Variants in UCP1 observed in about 807,000 individuals in gnomAD.
UCP1 encodes uncoupling protein 1.
UCP1 carries 24 observed loss-of-function variants against 26.2 expected under a neutral mutation model. That is an observed-to-expected ratio of 0.92 (90% CI 0.66 to 1.29). The LOEUF is 1.29. Ranked by LOEUF, UCP1 falls within the 50% of genes most tolerant of loss-of-function variation. The pLI is 0.00. For synonymous variants in UCP1, 164 were observed against 156.8 expected, an observed-to-expected ratio of 1.05 and a Z score of -0.34; for missense variants, 402 against 388.7, an observed-to-expected ratio of 1.03 and a Z score of -0.29.
chr4:140,559,648 T>A lies in UCP1; in HGVS notation c.*248A>T. On this transcript the variant is annotated 3_prime_UTR_variant, in exon 6 of 6. Coordinates refer to ENST00000262999, the MANE Select transcript of UCP1 (RefSeq NM_021833.5). ...TCCAGAAATGGTCAAATGCAGTAGC[T>A]TATCTGCATTACATTTGCCAGGGTA... 1 of 501,344 alleles carries A rather than the reference T, an allele frequency of 2.0e-6. No individual in the cohort carries two copies. Among genetic ancestry groups the A allele is most frequent in the South Asian group, 2.4e-5 (1 of 42,270 alleles). 31.1% of individuals were successfully genotyped at this position (501,344 alleles called of 1,614,324 possible).
chr4:140,564,984 T>C (rs920325399), intron 2 of UCP1, among the ~76,000 whole-genome samples: 19 of 152,346 alleles, frequency 1.2e-4, no homozygotes, highest in Middle Eastern at 3.4e-3. Context: ...ATGTTTTTGC[T>C]AGAAAATCAG....
At chr4:140,565,976 G>C (rs914811764) in intron 2 of UCP1, among the ~76,000 whole-genome samples, 1 of 152,052 alleles carries the variant, frequency 6.6e-6, no homozygotes, top group Non-Finnish European at 1.5e-5. Context: ...TCTATTTTTA[G>C]GTACACAAAC....
intron 2 of UCP1, among the ~76,000 whole-genome samples, chr4:140,564,160 C>T (rs1254604419): frequency 6.6e-6 from 1 of 152,114 alleles, no homozygotes; most frequent in Non-Finnish European, 1.5e-5. Context: ...GAGGAGGCAC[C>T]CATCACCAAT....
Position 140,559,747 on chromosome 4 carries a change from T to G in UCP1, c.*149A>C. 3 of 729,062 alleles carry G rather than the reference T, an allele frequency of 4.1e-6. No homozygotes were observed. Among genetic ancestry groups the G allele is most frequent in the Non-Finnish European group, 6.8e-6 (3 of 442,230 alleles). 45.2% of individuals were successfully genotyped at this position (729,062 alleles called of 1,614,324 possible). A position where few individuals can be genotyped will look rare whatever the true frequency, so the allele number is the denominator to read the frequency against. ...AAAGTTATATGAAATAGGCATTAAT[T>G]TTCCTCTTTTTTATATAAAAAAGTC... On this transcript the variant is annotated 3_prime_UTR_variant, in exon 6 of 6. Coordinates refer to ENST00000262999, the MANE Select transcript of UCP1 (RefSeq NM_021833.5).
intron 2 of UCP1, among the ~76,000 whole-genome samples, chr4:140,566,699 A>T (rs1331049581): frequency 6.6e-6 from 1 of 152,200 alleles, no homozygotes; most frequent in Non-Finnish European, 1.5e-5. Context: ...CACTTAATGT[A>T]TTCATTGTGC....
At chr4:140,564,020 A>T (rs1167992119) in intron 2 of UCP1, among the ~76,000 whole-genome samples, 1 of 152,172 alleles carries the variant, frequency 6.6e-6, no homozygotes, top group Non-Finnish European at 1.5e-5. Context: ...GGTGTCTGAA[A>T]TTTTTTAAAA....
At position 140,567,810 on chromosome 4, in the gene UCP1, C is replaced by T. The variant is rs774928918; in HGVS notation, c.294G>A (p.Thr98=). The change falls in exon 2 of 6, where the codon ACG becomes ACA. Residue 98 remains threonine (T), a synonymous_variant. Coordinates refer to ENST00000262999, the MANE Select transcript of UCP1 (RefSeq NM_021833.5). ...SASLRIGLYD[T]VQEFLTAGKE... ...TCCCTGCGGTGAGGAACTCCTGGAC[C>T]GTGTCGTAGAGGCCGATCCTGAGAG... 5 of 1,614,022 alleles carry T rather than the reference C, an allele frequency of 3.1e-6. No homozygotes were observed. Among genetic ancestry groups the T allele is most frequent in the Admixed American group, 1.7e-5 (1 of 60,008 alleles).
chr4:140,568,372 G>A (rs1735852007), intron 1 of UCP1, among the ~76,000 whole-genome samples: 1 of 152,140 alleles, frequency 6.6e-6, no homozygotes, highest in South Asian at 2.1e-4. Flanking sequence ...GAATTTGGTA[G>A]TAGTCATGGT....
At position 140,568,856 on chromosome 4, in the gene UCP1, C is replaced by G. The variant is rs567687146; in HGVS notation, c.-127G>C. On this transcript the variant is annotated 5_prime_UTR_variant, in exon 1 of 6. Transcript: ENST00000262999. ...CCCGATTTCTGTTTTTTGAACCGAC[C>G]GCCGGGCAGCGGCGGTGCAGAGGCG... is the stretch of plus-strand genomic sequence containing the variant. 34 of 1,447,336 alleles carry G rather than the reference C, an allele frequency of 2.3e-5. No individual in the cohort carries two copies. In the East Asian group the frequency reaches 7.5e-4, roughly 32 times the overall value. The allele number at this position is 1,447,336 out of a possible 1,614,324, so 89.7% of individuals were successfully genotyped here.
chr4:140,568,045 C>G (rs1293911582), intron 1 of UCP1, 68 bp from the exon 2 acceptor site: 4 of 1,542,478 alleles, frequency 2.6e-6, no homozygotes, highest in Admixed American at 3.3e-5. Flanking sequence ...AAGATTTCCC[C>G]CTGTGTTCCT....
chr4:140,562,312 G>A lies in UCP1; in HGVS notation c.690C>T (p.Ser230=). Residue 230 remains serine (S), a synonymous_variant, in exon 5 of 6, where the codon TCC becomes TCT. Transcript: ENST00000262999. ...LIAGFCATAM[S]SPVDVVKTRF... ...TGGTTTTTACTACATCCACCGGGGAGGACATAGCTGTTGCGCAAAATCCAG... is the reference window on the plus strand; with the variant it reads ...TGGTTTTTACTACATCCACCGGGGAAGACATAGCTGTTGCGCAAAATCCAG... The A allele has an allele frequency of 6.2e-7, 1 of 1,614,086 alleles. No individual in the cohort carries two copies. The highest frequency in any genetic ancestry group is 8.5e-7 in the Non-Finnish European group (1 of 1,180,014).
chr4:140,568,908 G>C lies in UCP1; in HGVS notation c.-179C>G, dbSNP rs538988347. Reference sequence around the variant, plus strand: ...CGGCTGCAGACGGAGCGCGGTGTTGGGGGCCGAGTCCCCGCGTCCCCTCCT... The same window carrying C: ...CGGCTGCAGACGGAGCGCGGTGTTGCGGGCCGAGTCCCCGCGTCCCCTCCT... On this transcript the variant is annotated 5_prime_UTR_variant, in exon 1 of 6. Transcript: ENST00000262999. 1 of 909,670 alleles carries C rather than the reference G, an allele frequency of 1.1e-6. No individual in the cohort carries two copies. Among genetic ancestry groups the C allele is most frequent in the East Asian group, 2.7e-5 (1 of 37,490 alleles). 56.3% of individuals were successfully genotyped at this position (909,670 alleles called of 1,614,324 possible). A position where few individuals can be genotyped will look rare whatever the true frequency, so the allele number is the denominator to read the frequency against.
chr4:140,567,632 T>G (rs2110916762), intron 2 of UCP1, 147 bp downstream of exon 2: 388 of 1,033,942 alleles, frequency 3.8e-4, no homozygotes, highest in Middle Eastern at 2.5e-3. Context: ...CTATGAACAA[T>G]GAGCTAATGT....
rs933477887 is a variant in UCP1, at chr4:140,567,904, T to C, written c.200A>G (p.Lys67Arg). 33 of 1,614,038 alleles carry C rather than the reference T, an allele frequency of 2.0e-5. No individual in the cohort carries two copies. Among genetic ancestry groups the C allele is most frequent in the Non-Finnish European group, 2.6e-5 (31 of 1,180,022 alleles). The part of the protein sequence containing the change: ...GVLGTITAVV[K>R]TEGRMKLYSG... The stretch of plus-strand genomic sequence containing the variant: ...GTAGAGTTTCATCCGCCCTTCTGTT[T>C]TTACCACAGCGGTGATTGTTCCCAG... The change falls in exon 2 of 6, where the codon AAA becomes AGA. Residue 67 changes from lysine (K) to arginine (R), a missense_variant. By Grantham distance (26) the Lys-to-Arg change is conservative (BLOSUM62 2). Coordinates refer to ENST00000262999, the MANE Select transcript of UCP1 (RefSeq NM_021833.5).
At chr4:140,562,626 T>C (rs1735702988) in intron 4 of UCP1, among the ~76,000 whole-genome samples, 1 of 152,234 alleles carries the variant, frequency 6.6e-6, no homozygotes, top group Non-Finnish European at 1.5e-5. Flanking sequence ...TAATGCCTAA[T>C]ATATGAGCAT....
chr4:140,568,097 C>T, intron 1 of UCP1, 120 bp from the exon 2 acceptor site: 1 of 962,208 alleles, frequency 1.0e-6, no homozygotes, highest in South Asian at 1.4e-5. Context: ...CTTCCATCCA[C>T]CTCCCTCTAC....
chr4:140,568,951 C>T lies in UCP1; in HGVS notation c.-222G>A. The T allele has an allele frequency of 1.5e-6, 1 of 650,090 alleles. No individual in the cohort carries two copies. Among genetic ancestry groups the T allele is most frequent in the Admixed American group, 2.9e-5 (1 of 34,288 alleles). 40.3% of individuals were successfully genotyped at this position (650,090 alleles called of 1,614,324 possible). A position where few individuals can be genotyped will look rare whatever the true frequency, so the allele number is the denominator to read the frequency against. Reference sequence around the variant, plus strand: ...CCCCTCCTACCCACCCTCGCGCCAGCAGGACCCTCTGCGTTCCGGTCTTCC... The same window carrying T: ...CCCCTCCTACCCACCCTCGCGCCAGTAGGACCCTCTGCGTTCCGGTCTTCC... On this transcript the variant is annotated 5_prime_UTR_variant, in exon 1 of 6. Coordinates refer to ENST00000262999, the MANE Select transcript of UCP1 (RefSeq NM_021833.5).
At chr4:140,560,074 A>C in intron 5 of UCP1, 64 bp from the exon 6 acceptor site, 1 of 1,375,900 alleles carries the variant, frequency 7.3e-7, no homozygotes, top group Non-Finnish European at 1.0e-6. Context: ...AATTTTTGAG[A>C]TGAGGCTTCA....
intron 2 of UCP1, 37 bp from the exon 3 acceptor site, chr4:140,563,555 T>C (rs767954923): frequency 4.4e-6 from 7 of 1,581,840 alleles, no homozygotes; most frequent in Non-Finnish European, 6.0e-6. Context: ...AGAAAAAAAA[T>C]TAAAGACCTA....
Sources: allele counts gnomAD v4.1 joint callset (sites outside exome capture counted in the v4.1 genomes callset), GRCh38; gene constraint gnomAD v4.1.1; transcripts MANE v1.5; gene names NCBI Gene and HGNC (gene_info 2026-07-23, HGNC 2026-07-21).